The following PAPLN variants were observed in gnomAD, a reference collection of about 807,000 sequenced individuals.
PAPLN encodes papilin, proteoglycan like sulfated glycoprotein.
PAPLN carries 146 observed loss-of-function variants against 159.0 expected under a neutral mutation model. The ratio of observed to expected loss-of-function variants is 0.92; its 90% CI spans 0.80 to 1.05. PAPLN has a LOEUF of 1.05. Among genes scored for constraint, PAPLN ranks in the 50% least tolerant of loss-of-function variants. The pLI is 0.00. For missense variants in PAPLN, 1,720 were observed against 1,743.9 expected (o/e 0.99, Z 0.24); for synonymous variants, 734 against 702.9 (o/e 1.04, Z -0.70).
intron 1 of PAPLN, among the ~76,000 whole-genome samples, chr14:73,238,412 G>A (rs1389065967): frequency 1.3e-5 from 2 of 152,286 alleles, no homozygotes. Context: ...TGGCCTTGGA[G>A]TTGAAGGGGT....
Position 73,264,228 on chromosome 14 carries a change from A to G in PAPLN, c.2879A>G (p.Asp960Gly), listed in dbSNP as rs1380518705. 20 of 1,613,598 alleles carry G rather than the reference A, an allele frequency of 1.2e-5. No homozygotes were observed. Among genetic ancestry groups the G allele is most frequent in the Non-Finnish European group, 1.6e-5 (19 of 1,179,938 alleles). Reference sequence around the variant, plus strand: ...CCACTCAGGCACAGGCTGCAGTTCGACGGATCCCTGATCATCCACCCCCTG... The same window carrying G: ...CCACTCAGGCACAGGCTGCAGTTCGGCGGATCCCTGATCATCCACCCCCTG... ...ISSDRHRLQF[D>G]GSLIIHPLQA... The change falls in exon 21 of 27, where the codon GAC (aspartate) becomes GGC (glycine). Residue 960 changes from aspartate (D) to glycine (G), a missense_variant. Asp to Gly is a moderately conservative substitution (Grantham distance 94, BLOSUM62 -1). Transcript: ENST00000644200.
At chr14:73,259,833 G>A (rs1886354170) in intron 16 of PAPLN, among the ~76,000 whole-genome samples, 1 of 152,116 alleles carries the variant, frequency 6.6e-6, no homozygotes, top group South Asian at 2.1e-4. Flanking sequence ...CTCTGGGTGC[G>A]ATTCTAGCTC....
At chr14:73,255,951 C>T (rs1885862479) in intron 14 of PAPLN, among the ~76,000 whole-genome samples, 1 of 152,210 alleles carries the variant, frequency 6.6e-6, no homozygotes, top group Non-Finnish European at 1.5e-5. Flanking sequence ...GAGCGACTTT[C>T]CAGACCGTGG....
chr14:73,264,411 A>AGG, intron 21 of PAPLN, 76 bp downstream of exon 21: 1 of 1,564,248 alleles, frequency 6.4e-7, no homozygotes, highest in Non-Finnish European at 8.7e-7. Flanking sequence ...AGCCTGACCG[A>AGG]GGGCTGCCTC....
rs1454501825 is a variant in PAPLN, at chr14:73,264,271, C to T, written c.2922C>T (p.Gly974=). 1.2e-6 allele frequency: 2 copies of T among 1,614,010 alleles called. No individual in the cohort carries two copies. The highest frequency in any genetic ancestry group is 1.1e-5 in the South Asian group (1 of 91,090). Residue 974 remains glycine (G), a synonymous_variant, in exon 21 of 27, where the codon GGC becomes GGT. Transcript: ENST00000644200. ...ACCCCCTGCAGGCAGAGGACGCGGGCACCTACAGCTGTGGCAGCACCCGGC... is the reference window on the plus strand; with the variant it reads ...ACCCCCTGCAGGCAGAGGACGCGGGTACCTACAGCTGTGGCAGCACCCGGC... ...IIHPLQAEDA[G]TYSCGSTRPG...
rs540630236 is a variant in PAPLN at position 73,253,193 on chromosome 14, G to A, written c.1094+418G>A. 7.0e-5 allele frequency: 95 copies of A among 1,361,474 alleles called. 1 individual carries two copies. Among genetic ancestry groups the A allele is most frequent in the African/African-American group, 4.1e-4 (28 of 68,318 alleles). 84.3% of individuals were successfully genotyped at this position (1,361,474 alleles called of 1,614,324 possible). A position where few individuals can be genotyped will look rare whatever the true frequency, so the allele number is the denominator to read the frequency against. On this transcript the variant is annotated intron_variant, in intron 11 of 26. Coordinates refer to ENST00000644200, the MANE Select transcript of PAPLN (RefSeq NM_001365906.3). ...TACCTGCACCGGCCTGGAGCGTGGC[G>A]CCTTGCTGGGGCCCAGCGAGTGTGT...
At chr14:73,238,182 C>T (rs1251054709) in intron 1 of PAPLN, among the ~76,000 whole-genome samples, 1 of 152,232 alleles carries the variant, frequency 6.6e-6, no homozygotes, top group Non-Finnish European at 1.5e-5. Context: ...CGGCTGGGGA[C>T]CCTGTAGGGG....
intron 12 of PAPLN, 60 bp from the exon 13 acceptor site, chr14:73,254,453 C>G: frequency 1.9e-6 from 3 of 1,585,518 alleles, no homozygotes; most frequent in Non-Finnish European, 2.6e-6. Flanking sequence ...GCTAGCTGTC[C>G]GAACTGGCGT....
chr14:73,263,988 GC>G (rs1566704229), intron 20 of PAPLN: 2 of 1,501,320 alleles, frequency 1.3e-6, no homozygotes, highest in Admixed American at 2.0e-5. Flanking sequence ...GTGTGTGACA[GC>G]CCCCCGACCT....
intron 26 of PAPLN, 147 bp downstream of exon 26, chr14:73,268,870 C>CT: frequency 9.9e-7 from 1 of 1,005,474 alleles, no homozygotes; most frequent in Non-Finnish European, 1.4e-6. Flanking sequence ...GGGCAAGGGG[C>CT]TTACCTTCCT....
chr14:73,270,418 A>C (rs1291832932), intron 26 of PAPLN, among the ~76,000 whole-genome samples: 2 of 152,212 alleles, frequency 1.3e-5, no homozygotes, highest in Non-Finnish European at 2.9e-5. Flanking sequence ...CGGGAGCGTT[A>C]AAACTCGTTC....
chr14:73,256,532 C>CAAAAAAAAA (rs57667060), intron 14 of PAPLN, among the ~76,000 whole-genome samples: 5 of 92,666 alleles, frequency 5.4e-5, no homozygotes, highest in Admixed American at 1.2e-4. Context: ...GACTCTGTCT[C>CAAAAAAAAA]AAAAAAAAAA....
chr14:73,263,599 C>T, intron 19 of PAPLN, 46 bp from the exon 20 acceptor site: 1 of 1,612,132 alleles, frequency 6.2e-7, no homozygotes. Context: ...TGGTTCTGGT[C>T]CTGGCGCTCA....
Position 73,251,046 on chromosome 14 carries a change from A to G in PAPLN, c.589+16A>G, listed in dbSNP as rs778805668. Reference sequence around the variant, plus strand: ...CTCAGCCGAGGTGGGGGTGGTTCCGACAAGGGGCAGTTGCCTGCCCCCTTC... The same window carrying G: ...CTCAGCCGAGGTGGGGGTGGTTCCGGCAAGGGGCAGTTGCCTGCCCCCTTC... On this transcript the variant is annotated intron_variant, in intron 7 of 26. Coordinates refer to ENST00000644200, the MANE Select transcript of PAPLN (RefSeq NM_001365906.3). The G allele has an allele frequency of 1.2e-6, 2 of 1,604,338 alleles. No homozygotes were observed. Among genetic ancestry groups the G allele is most frequent in the Non-Finnish European group, 8.5e-7 (1 of 1,175,422 alleles).
intron 11 of PAPLN, chr14:73,253,036 A>G: frequency 8.9e-7 from 1 of 1,128,016 alleles, no homozygotes; most frequent in Non-Finnish European, 1.2e-6. Context: ...GGGTTGGAGA[A>G]GGTTCCAGAG....
Position 73,254,659 on chromosome 14 carries a change from C to T in PAPLN, c.1449C>T (p.Leu483=). The change falls in exon 13 of 27, where the codon CTC becomes CTT. Residue 483 remains leucine (L), a synonymous_variant. Coordinates refer to ENST00000644200, the MANE Select transcript of PAPLN (RefSeq NM_001365906.3). ...GTGTGCATGAGGACTGCCCCCTCCT[C>T]AGTGACCAGGCCTGGCATGTTGGCA... ...EPCVHEDCPL[L]SDQAWHVGTW... 6.2e-7 allele frequency: 1 copy of T among 1,614,018 alleles called. No individual in the cohort carries two copies. The highest frequency in any genetic ancestry group is 8.5e-7 in the Non-Finnish European group (1 of 1,179,908).
chr14:73,264,839 C>G, intron 22 of PAPLN, 113 bp downstream of exon 22: 4 of 1,526,136 alleles, frequency 2.6e-6, no homozygotes, highest in African/African-American at 1.4e-5. Flanking sequence ...AGCCCCTGCT[C>G]AGGGCTCTGG....
intron 5 of PAPLN, chr14:73,249,723 G>T: frequency 4.7e-6 from 1 of 214,498 alleles, no homozygotes. Flanking sequence ...CCTCAGCTGT[G>T]GTAAATAATG....
intron 4 of PAPLN, 64 bp from the exon 5 acceptor site, chr14:73,246,009 G>A (rs1594782059): frequency 2.1e-6 from 3 of 1,429,356 alleles, no homozygotes; most frequent in Non-Finnish European, 1.9e-6. Flanking sequence ...GCTCGGGCGG[G>A]GCGGGAGGTG....
Sources: gnomAD v4.1 joint callset for allele counts (sites outside exome capture counted in the v4.1 genomes callset) on GRCh38, gnomAD v4.1.1 for gene constraint, MANE v1.5 for transcripts, NCBI Gene and HGNC (gene_info 2026-07-23, HGNC 2026-07-21) for gene names.